The following MICB variants were observed in gnomAD, a reference collection of about 807,000 sequenced individuals.
The protein encoded by MICB is MHC class I antigen-related protein B.
In MICB, 27 loss-of-function variants were observed where a neutral mutation model predicts 34.3. The observed-to-expected ratio is 0.79, with a 90% confidence interval of 0.58 to 1.08. The LOEUF (loss-of-function observed/expected upper bound fraction) is 1.08. Ranked by LOEUF, MICB falls within the 50% of genes least tolerant of loss-of-function variation. The pLI is 0.00. For missense variants in MICB, 426 were observed against 483.1 expected, an observed-to-expected ratio of 0.88 and a Z score of 1.11; for synonymous variants, 153 against 187.4, an observed-to-expected ratio of 0.82 and a Z score of 1.50.
intron 1 of MICB, among the ~76,000 whole-genome samples, chr6:31,499,056 A>G (rs1441846953): frequency 6.6e-6 from 1 of 150,672 alleles, no homozygotes; most frequent in African/African-American, 2.5e-5. Context: ...CAGCTCCTGG[A>G]GTTGGGGCCC....
intron 2 of MICB, 48 bp downstream of exon 2, chr6:31,505,919 G>A: frequency 1.3e-6 from 2 of 1,544,186 alleles, no homozygotes; most frequent in Non-Finnish European, 1.7e-6. Context: ...CTCCAGGAAA[G>A]TTGGAGACAG....
chr6:31,505,610 T>C lies in MICB; in HGVS notation c.71-7T>C. On this transcript the variant is annotated splice_polypyrimidine_tract_variant and splice_region_variant and intron_variant, in intron 1 of 5. Coordinates refer to ENST00000252229, the MANE Select transcript of MICB (RefSeq NM_005931.5). The stretch of plus-strand genomic sequence containing the variant: ...AGAAGTTTCACCTGTGATTTCCTCT[T>C]CCCCAGAGCCCCACAGTCTTCGTTA... The C allele has an allele frequency of 1.2e-6, 2 of 1,610,442 alleles. No individual in the cohort carries two copies. Among genetic ancestry groups the C allele is most frequent in the Non-Finnish European group, 1.7e-6 (2 of 1,178,600 alleles).
chr6:31,503,387 C>T (rs1344652159), intron 1 of MICB, among the ~76,000 whole-genome samples: 3 of 150,262 alleles, frequency 2.0e-5, no homozygotes, highest in Non-Finnish European at 4.4e-5. Flanking sequence ...AGTGTATACT[C>T]GGTGGCATTA....
chr6:31,498,331 G>A, intron 1 of MICB, 68 bp downstream of exon 1: 1 of 1,358,602 alleles, frequency 7.4e-7, no homozygotes, highest in Non-Finnish European at 9.9e-7. Flanking sequence ...GTCCGGGTGG[G>A]TTGCCGCGAG....
At chr6:31,497,888 G>A (rs1163431181), upstream of MICB, among the ~76,000 whole-genome samples, 2 of 152,156 alleles carry the variant, frequency 1.3e-5, no homozygotes, top group Admixed American at 6.5e-5. Flanking sequence ...CATAAGTTTG[G>A]AGCTGTACTC....
chr6:31,495,360 T>A (rs1764600493), upstream of MICB, among the ~76,000 whole-genome samples: 1 of 152,126 alleles, frequency 6.6e-6, no homozygotes, highest in Admixed American at 6.5e-5. Flanking sequence ...AGGGAAGGGC[T>A]TGGGACCTGT....
intron 1 of MICB, among the ~76,000 whole-genome samples, chr6:31,504,995 G>T (rs540928265): frequency 1.3e-5 from 2 of 152,218 alleles, no homozygotes; most frequent in Non-Finnish European, 2.9e-5. Context: ...TCCAATTGCT[G>T]TCCTGGGGCC....
At chr6:31,496,531 T>C (rs1764673600), upstream of MICB, among the ~76,000 whole-genome samples, 2 of 151,982 alleles carry the variant, frequency 1.3e-5, no homozygotes, top group African/African-American at 2.4e-5. Flanking sequence ...CACGCCCAGC[T>C]AAGTTTTTTG....
At position 31,507,266 on chromosome 6, in the gene MICB, C is replaced by A; in HGVS notation, c.858C>A (p.His286Gln). 2 of 1,613,828 alleles carry A rather than the reference C, an allele frequency of 1.2e-6. No individual in the cohort carries two copies. Among genetic ancestry groups the A allele is most frequent in the Non-Finnish European group, 1.7e-6 (2 of 1,179,880 alleles). Reference protein sequence around the residue: ...EEQRFTCYMEHSGNHGTHPVP... With the variant: ...EEQRFTCYMEQSGNHGTHPVP... ...AGAGGTTCACCTGCTACATGGAACACAGCGGGAATCACGGCACTCACCCTG... is the reference window on the plus strand; with the variant it reads ...AGAGGTTCACCTGCTACATGGAACAAAGCGGGAATCACGGCACTCACCCTG... The change falls in exon 4 of 6, where the codon CAC becomes CAA. Residue 286 changes from histidine to glutamine, a missense_variant. Transcript: ENST00000252229. The surrounding 1 kb of genome is among the most constrained non-coding windows in gnomAD (Gnocchi z 6.0).
In MICB at chr6:31,498,253, A is replaced by C. The variant is rs753624081; in HGVS notation, c.60A>C (p.Ala20=). ...TCGCCTTCCCTTTTGCACCCCCGGCAGCCGCCGCTGGTGAGTGGGGTTCCT... is the reference window on the plus strand; with the variant it reads ...TCGCCTTCCCTTTTGCACCCCCGGCCGCCGCCGCTGGTGAGTGGGGTTCCT... ...LAVAFPFAPP[A]AAAEPHSLRY... The change falls in exon 1 of 6, where the codon GCA becomes GCC. Residue 20 remains alanine, a synonymous_variant. Coordinates refer to ENST00000252229, the MANE Select transcript of MICB (RefSeq NM_005931.5). 1.3e-6 allele frequency: 2 copies of C among 1,571,860 alleles called. No homozygotes were observed. The highest frequency in any genetic ancestry group is 1.4e-5 in the African/African-American group (1 of 73,484).
At chr6:31,498,107 A>G, upstream of MICB, 1 of 1,108,396 alleles carries the variant, frequency 9.0e-7, no homozygotes, top group Non-Finnish European at 1.3e-6. Context: ...AGCGGGGCGC[A>G]GGTGACTAAA....
chr6:31,506,349 A>G lies in MICB; in HGVS notation c.532A>G (p.Thr178Ala). 4 of 1,614,202 alleles carry G rather than the reference A, an allele frequency of 2.5e-6. No homozygotes were observed. The highest frequency in any genetic ancestry group is 3.4e-6 in the Non-Finnish European group (4 of 1,180,032). The change falls in exon 3 of 6, where the codon ACA becomes GCA. Residue 178 changes from threonine (T) to alanine (A), a missense_variant. Physicochemically the swap from Thr to Ala is moderately conservative, Grantham distance 58. Transcript: ENST00000252229. ...FWKEDAMKTK[T>A]HYRAMQADCL... Reference sequence around the variant, plus strand: ...GAAGGAAGATGCCATGAAGACCAAGACACACTATCGCGCTATGCAGGCAGA... The same window carrying G: ...GAAGGAAGATGCCATGAAGACCAAGGCACACTATCGCGCTATGCAGGCAGA...
At chr6:31,503,699 C>T (rs1332062379) in intron 1 of MICB, among the ~76,000 whole-genome samples, 1 of 152,180 alleles carries the variant, frequency 6.6e-6, no homozygotes, top group Non-Finnish European at 1.5e-5. Flanking sequence ...ATTCCTCAGA[C>T]AATGGACACT....
intron 3 of MICB, 114 bp from the exon 4 acceptor site, chr6:31,506,908 C>T (rs2844500): frequency 0.1 from 155,803 of 1,491,920 alleles, 8,624 homozygotes; most frequent in East Asian, 0.13. Flanking sequence ...ACAGAAGGTC[C>T]GGTATCTGTG....
chr6:31,506,895 C>T lies in MICB; in HGVS notation c.614-127C>T. ...AATTAGGCCCCAGGGTGAGGACAGA[C>T]TTACAGAAGGTCCGGTATCTGTGAG... On this transcript the variant is annotated intron_variant, in intron 3 of 5. Coordinates refer to ENST00000252229, the MANE Select transcript of MICB (RefSeq NM_005931.5). The T allele has an allele frequency of 2.1e-6, 3 of 1,455,766 alleles. No homozygotes were observed. In the South Asian group the frequency reaches 4.1e-5, roughly 20 times the overall value. 90.2% of individuals were successfully genotyped at this position (1,455,766 alleles called of 1,614,324 possible).
intron 1 of MICB, among the ~76,000 whole-genome samples, chr6:31,502,196 G>A (rs1302709248): frequency 7.2e-5 from 11 of 152,158 alleles, no homozygotes; most frequent in South Asian, 2.1e-4. Flanking sequence ...TTAGCCAGGC[G>A]TGGTGGCATA....
At chr6:31,509,470 T>C (rs564798775) in intron 5 of MICB, among the ~76,000 whole-genome samples, 1 of 152,304 alleles carries the variant, frequency 6.6e-6, no homozygotes, top group Admixed American at 6.5e-5. Flanking sequence ...CCTCTCACTG[T>C]AACAGGACTG....
Position 31,507,332 on chromosome 6 carries a change from G to A in MICB, c.892+32G>A, listed in dbSNP as rs1765407810. On this transcript the variant is annotated intron_variant, in intron 4 of 5. Transcript: ENST00000252229. This position sits in a 1 kb window ranked among gnomAD's most constrained non-coding sequence, Gnocchi z 6.0. ...CTGGGGTGACCCTGGAGAGGGTCAG[G>A]CCAGGGTAGGAACAGCAAGGACGGC... 6 of 1,612,894 alleles carry A rather than the reference G, an allele frequency of 3.7e-6. No individual in the cohort carries two copies. Among genetic ancestry groups the A allele is most frequent in the Non-Finnish European group, 4.2e-6 (5 of 1,179,262 alleles).
Position 31,509,861 on chromosome 6 carries a change from G to T in MICB, c.1104G>T (p.Gln368His). ...DHRDAAQLGF[Q>H]PLMSATGSTG... ...GGGATGCAGCACAGCTGGGATTTCA[G>T]CCTCTGATGTCAGCTACTGGGTCCA... Residue 368 changes from glutamine to histidine, a missense_variant, in exon 6 of 6, where the codon CAG (glutamine) becomes CAT (histidine). Coordinates refer to ENST00000252229, the MANE Select transcript of MICB (RefSeq NM_005931.5). The T allele has an allele frequency of 6.2e-7, 1 of 1,613,794 alleles. No individual in the cohort carries two copies. The highest frequency in any genetic ancestry group is 8.5e-7 in the Non-Finnish European group (1 of 1,179,796).
Sources: allele counts gnomAD v4.1 joint callset (sites outside exome capture counted in the v4.1 genomes callset), GRCh38; gene constraint gnomAD v4.1.1; non-coding constraint Gnocchi (gnomAD v3.1); transcripts MANE v1.5; gene names NCBI Gene and HGNC (gene_info 2026-07-23, HGNC 2026-07-21).